The following ABCA5 variants were observed in gnomAD, a reference collection of about 807,000 sequenced individuals.
ABCA5 encodes cholesterol transporter ABCA5.
In ABCA5, 163 loss-of-function variants were observed where a neutral mutation model predicts 206.0. The observed-to-expected ratio is 0.79, with a 90% CI of 0.70 to 0.90. The LOEUF is 0.90. Ranked by LOEUF, ABCA5 falls within the 40% of genes least tolerant of loss-of-function variation. ABCA5 has a pLI of 0.00. For synonymous variants in ABCA5, 609 were observed against 613.8 expected, an observed-to-expected ratio of 0.99 and a Z score of 0.11; for missense variants, 1,859 against 1,912.9, an observed-to-expected ratio of 0.97 and a Z score of 0.53.
intron 1 of ABCA5, among the ~76,000 whole-genome samples, chr17:69,321,150 G>A (rs1282923164): frequency 3.9e-5 from 6 of 152,278 alleles, no homozygotes; most frequent in African/African-American, 1.4e-4. Flanking sequence ...GGAAAACTGG[G>A]ATGAAGGAAG....
In ABCA5 at chr17:69,320,927, G is replaced by A. The variant is rs1231974789; in HGVS notation, c.-16+6125C>T. Among the ~76,000 whole-genome samples, 5 of 152,254 alleles carry A rather than the reference G, an allele frequency of 3.3e-5. No homozygotes were observed. In the East Asian group the frequency reaches 7.7e-4, roughly 24 times the overall value. Reference sequence around the variant, plus strand: ...ATATTTGGCTTCCTTTTCAGGTGTCGAGACCACATTGTCTCTCGACAATTG... The same window carrying A: ...ATATTTGGCTTCCTTTTCAGGTGTCAAGACCACATTGTCTCTCGACAATTG... On this transcript the variant is annotated intron_variant, in intron 1 of 38. Coordinates refer to ENST00000392676, the MANE Select transcript of ABCA5 (RefSeq NM_172232.4).
At chr17:69,252,299 C>T (rs2075024270) in intron 34 of ABCA5, among the ~76,000 whole-genome samples, 1 of 152,092 alleles carries the variant, frequency 6.6e-6, no homozygotes, top group African/African-American at 2.4e-5. Context: ...AGGCGTGAGC[C>T]ACTGCGCCAG....
chr17:69,266,243 T>C (rs2075206304), intron 23 of ABCA5, among the ~76,000 whole-genome samples: 1 of 152,176 alleles, frequency 6.6e-6, no homozygotes, highest in Non-Finnish European at 1.5e-5. Flanking sequence ...AGAGTAGTGG[T>C]TGCCACAGGT....
In ABCA5 at chr17:69,302,868, T is replaced by A. The variant is rs777791414; in HGVS notation, c.969A>T (p.Lys323Asn). ...ATTCAACTATTCCCACATGTTTTGA[T>A]TTTTTAAAAAGAGGTGTCAGCATTA... ...FALMLTPLFK[K>N]SKHVGIVEFF... is the part of the protein sequence containing the mutation. The change falls in exon 8 of 39, where the codon AAA (lysine) becomes AAT (asparagine). Residue 323 changes from lysine to asparagine, a missense_variant. Physicochemically the swap from Lys to Asn is moderately conservative, Grantham distance 94. Transcript: ENST00000392676. 1.3e-6 allele frequency: 2 copies of A among 1,568,506 alleles called. No individual in the cohort carries two copies. The highest frequency in any genetic ancestry group is 2.4e-5 in the South Asian group (2 of 82,848).
intron 7 of ABCA5, 149 bp from the exon 8 acceptor site, chr17:69,303,055 T>A (rs1055226165): frequency 2.1e-6 from 1 of 480,322 alleles, no homozygotes; most frequent in African/African-American, 2.0e-5. Flanking sequence ...TATGGTATTT[T>A]ATTTTCAAAC....
chr17:69,254,658 CAT>C (rs1304766260), intron 31 of ABCA5, among the ~76,000 whole-genome samples, 168 bp from the exon 32 acceptor site: 1 of 152,080 alleles, frequency 6.6e-6, no homozygotes, highest in African/African-American at 2.4e-5. Flanking sequence ...AGACTACAAA[CAT>C]GTGCCACCAT....
intron 7 of ABCA5, among the ~76,000 whole-genome samples, chr17:69,303,849 T>C (rs1273421014): frequency 5.7e-5 from 2 of 35,396 alleles, no homozygotes; most frequent in African/African-American, 8.9e-5. Flanking sequence ...TACATACATA[T>C]ATATATGTAT....
intron 2 of ABCA5, among the ~76,000 whole-genome samples, 155 bp from the exon 3 acceptor site, chr17:69,313,451 T>C (rs1833020008): frequency 1.3e-5 from 2 of 152,102 alleles, no homozygotes; most frequent in Non-Finnish European, 2.9e-5. Flanking sequence ...CAAAAGAATT[T>C]TGTGTTGAAC....
Position 69,246,995 on chromosome 17 carries a change from T to G in ABCA5, c.*542A>C, listed in dbSNP as rs2074958919. ...ATGACTGCCACCTAGTGGATATAAC[T>G]TTCCTCAAATCTCTATATTGAGATT... On this transcript the variant is annotated 3_prime_UTR_variant, in exon 39 of 39. Coordinates refer to ENST00000392676, the MANE Select transcript of ABCA5 (RefSeq NM_172232.4). 6.6e-6 allele frequency: 1 copy of G among 152,038 alleles called. No individual in the cohort carries two copies. Among genetic ancestry groups the G allele is most frequent in the Non-Finnish European group, 1.5e-5 (1 of 67,904 alleles). 9.4% of individuals were successfully genotyped at this position (152,038 alleles called of 1,614,324 possible).
Position 69,287,743 on chromosome 17 carries a change from C to A in ABCA5, c.1911G>T (p.Leu637=). The A allele has an allele frequency of 6.2e-7, 1 of 1,612,900 alleles. No homozygotes were observed. The change falls in exon 15 of 39, where the codon CTG becomes CTT. Residue 637 remains leucine (L), a synonymous_variant. Transcript: ENST00000392676. ...IAVLGNPKIL[L]LDEPTAGMDP... ...CCATTCCAGCTGTTGGTTCATCTAG[C>A]AGCAGTATCTGTGTGAAAAGAGGTG...
In ABCA5 at chr17:69,302,828, C is replaced by A. The variant is rs2075666457; in HGVS notation, c.1009G>T (p.Ala337Ser). ...VGIVEFFVTV[A>S]FGFIGLMIIL... Reference sequence around the variant, plus strand: ...ATCATAAGGCCAATAAATCCAAAAGCCACAGTAACAAAAAATTCAACTATT... The same window carrying A: ...ATCATAAGGCCAATAAATCCAAAAGACACAGTAACAAAAAATTCAACTATT... The change falls in exon 8 of 39, where the codon GCT (alanine) becomes TCT (serine). Residue 337 changes from alanine to serine, a missense_variant. Physicochemically the swap from Ala to Ser is moderately conservative, Grantham distance 99. Coordinates refer to ENST00000392676, the MANE Select transcript of ABCA5 (RefSeq NM_172232.4). 2 of 1,595,176 alleles carry A rather than the reference C, an allele frequency of 1.3e-6. No homozygotes were observed. Among genetic ancestry groups the A allele is most frequent in the African/African-American group, 2.7e-5 (2 of 73,640 alleles).
At chr17:69,289,080 C>A in intron 14 of ABCA5, 97 bp downstream of exon 14, 1 of 1,214,484 alleles carries the variant, frequency 8.2e-7, no homozygotes, top group Non-Finnish European at 1.1e-6. Flanking sequence ...TTTATGTACA[C>A]TTAACCTTTA....
chr17:69,323,481 T>C (rs2075879390), intron 1 of ABCA5, among the ~76,000 whole-genome samples: 1 of 152,198 alleles, frequency 6.6e-6, no homozygotes, highest in African/African-American at 2.4e-5. Context: ...AGTTTTATGC[T>C]CAAATAAACT....
In ABCA5 at chr17:69,314,441, G is replaced by A. The variant is rs559396088; in HGVS notation, c.-15-11C>T. 8 of 1,535,438 alleles carry A rather than the reference G, an allele frequency of 5.2e-6. No homozygotes were observed. The highest frequency in any genetic ancestry group is 4.5e-5 in the East Asian group (2 of 44,264). ...GTTTTCTGAATAAACCTATTAAAGA[G>A]GAAAAACAAACAAACAAACCCGGAG... On this transcript the variant is annotated splice_polypyrimidine_tract_variant and intron_variant, in intron 1 of 38. Coordinates refer to ENST00000392676, the MANE Select transcript of ABCA5 (RefSeq NM_172232.4).
chr17:69,291,834 C>G (rs1474378968), intron 11 of ABCA5, among the ~76,000 whole-genome samples: 2 of 152,014 alleles, frequency 1.3e-5, no homozygotes, highest in East Asian at 3.9e-4. Flanking sequence ...CTAGGCTGGC[C>G]AGGCACAGTG....
intron 10 of ABCA5, among the ~76,000 whole-genome samples, chr17:69,296,768 C>T (rs959557988): frequency 3.9e-5 from 6 of 152,132 alleles, no homozygotes; most frequent in African/African-American, 1.4e-4. Flanking sequence ...AATTCGAGAC[C>T]AGTCTGGCCA....
chr17:69,296,782 T>C (rs564189582), intron 10 of ABCA5, among the ~76,000 whole-genome samples: 47 of 152,270 alleles, frequency 3.1e-4, no homozygotes, highest in African/African-American at 1.1e-3. Flanking sequence ...CTGGCCAACA[T>C]GGTGAAACCC....
chr17:69,308,339 G>C lies in ABCA5; in HGVS notation c.499C>G (p.Gln167Glu). 1 of 1,612,134 alleles carries C rather than the reference G, an allele frequency of 6.2e-7. No individual in the cohort carries two copies. Among genetic ancestry groups the C allele is most frequent in the South Asian group, 1.1e-5 (1 of 90,934 alleles). The change falls in exon 5 of 39, where the codon CAG becomes GAG. Residue 167 changes from glutamine (Q) to glutamate (E), a missense_variant. Physicochemically the swap from Gln to Glu is conservative, Grantham distance 29. Transcript: ENST00000392676. ...AGCSKSCEAA[Q>E]YWSSGFTVLQ... ...ACTGTGAAACCTGAGGACCAGTACT[G>C]AGCAGCCTCACATGATTTTGAACAG...
intron 1 of ABCA5, chr17:69,318,700 C>T: frequency 1.9e-6 from 1 of 514,944 alleles, no homozygotes; most frequent in Non-Finnish European, 3.5e-6. Flanking sequence ...GCATTCCATT[C>T]CAAGGCATCT....
Sources: allele counts gnomAD v4.1 joint callset (sites outside exome capture counted in the v4.1 genomes callset), GRCh38; gene constraint gnomAD v4.1.1; transcripts MANE v1.5; gene names NCBI Gene and HGNC (gene_info 2026-07-23, HGNC 2026-07-21).